NCAPH2: variants seen among roughly 807,000 people sequenced by gnomAD.
NCAPH2 encodes the protein non-SMC condensin II complex subunit H2, also known as condensin-2 complex subunit H2.
A neutral mutation model predicts 88.6 loss-of-function variants in NCAPH2; 56 were observed. The ratio of observed to expected loss-of-function variants is 0.63; its 90% CI spans 0.51 to 0.79. NCAPH2 has a LOEUF of 0.79. Ranked by LOEUF, NCAPH2 falls within the 30% of genes least tolerant of loss-of-function variation. NCAPH2 has a pLI of 0.00. For missense variants in NCAPH2, 794 were observed against 792.0 expected (o/e 1.00, Z -0.03); for synonymous variants, 378 against 313.6 (o/e 1.21, Z -2.17).
At chr22:50,510,449 A>C (rs185647467) in intron 1 of NCAPH2, among the ~76,000 whole-genome samples, 2 of 151,946 alleles carry the variant, frequency 1.3e-5, no homozygotes, top group East Asian at 3.9e-4. Flanking sequence ...TTTTTTTGAG[A>C]TGGAGTCTTG....
At position 50,523,717 on chromosome 22, in the gene NCAPH2, T is replaced by C; in HGVS notation, c.*342T>C. The C allele has an allele frequency of 3.1e-6, 5 of 1,614,070 alleles. No homozygotes were observed. Among genetic ancestry groups the C allele is most frequent in the East Asian group, 2.2e-5 (1 of 44,876 alleles). On this transcript the variant is annotated 3_prime_UTR_variant, in exon 20 of 20. Transcript: ENST00000420993. The stretch of plus-strand genomic sequence containing the variant: ...GTAATCCGTGAAGAGGCCGTCAGGG[T>C]TGAGCAGGTAGATGGCAATGGAGTG...
At chr22:50,517,886 G>C in intron 5 of NCAPH2, 77 bp downstream of exon 5, 1 of 1,602,960 alleles carries the variant, frequency 6.2e-7, no homozygotes, top group Non-Finnish European at 8.5e-7. Context: ...CTGATGGGGT[G>C]TGGGAAGGTG....
At chr22:50,520,227 AC>A (rs1320446150) in intron 9 of NCAPH2, among the ~76,000 whole-genome samples, 1 of 151,762 alleles carries the variant, frequency 6.6e-6, no homozygotes, top group Non-Finnish European at 1.5e-5. Flanking sequence ...CCCAGAGAGT[AC>A]TAGCAGGGTT....
intron 8 of NCAPH2, 82 bp from the exon 9 acceptor site, chr22:50,519,108 A>T: frequency 7.5e-7 from 1 of 1,325,940 alleles, no homozygotes; most frequent in Non-Finnish European, 1.0e-6. Context: ...AAGCTGAGGG[A>T]GGAAGTAGCC....
chr22:50,524,469 G>C lies in NCAPH2; in HGVS notation c.*1094G>C. On this transcript the variant is annotated 3_prime_UTR_variant, in exon 20 of 20. Coordinates refer to ENST00000420993, the MANE Select transcript of NCAPH2 (RefSeq NM_152299.4). ...TCAGGAGCCAGAAGGGAAGGCCCAG[G>C]ACAGTGCCTGGGCTGCCCCTGCGAC... is the stretch of plus-strand genomic sequence containing the variant. 1 of 1,571,398 alleles carries C rather than the reference G, an allele frequency of 6.4e-7. No individual in the cohort carries two copies.
chr22:50,512,816 G>T (rs1222006246), intron 1 of NCAPH2, among the ~76,000 whole-genome samples: 2 of 152,174 alleles, frequency 1.3e-5, no homozygotes, highest in Non-Finnish European at 1.5e-5. Flanking sequence ...AGAGTGCTGG[G>T]ATTATAGGTG....
At chr22:50,517,283 T>G (rs2068951030) in intron 2 of NCAPH2, 144 bp from the exon 3 acceptor site, 1 of 848,008 alleles carries the variant, frequency 1.2e-6, no homozygotes, top group Admixed American at 2.0e-5. Context: ...TGAGAATTAT[T>G]TTTGGAACCA....
intron 1 of NCAPH2, among the ~76,000 whole-genome samples, 172 bp downstream of exon 1, chr22:50,508,617 C>T (rs1364554314): frequency 6.6e-6 from 1 of 152,266 alleles, no homozygotes; most frequent in African/African-American, 2.4e-5. Context: ...ATCTCTGCCT[C>T]CCCAAATCAT....
intron 2 of NCAPH2, 82 bp from the exon 3 acceptor site, chr22:50,517,345 G>T (rs1347957851): frequency 6.9e-7 from 1 of 1,454,356 alleles, no homozygotes; most frequent in Non-Finnish European, 9.7e-7. Flanking sequence ...CAGGCCTCGT[G>T]GGGGCACCGA....
chr22:50,519,223 G>C lies in NCAPH2; in HGVS notation c.764G>C (p.Gly255Ala), dbSNP rs755007017. 3 of 1,610,774 alleles carry C rather than the reference G, an allele frequency of 1.9e-6. No individual in the cohort carries two copies. The South Asian group carries it at 3.3e-5, about 18-fold the overall frequency. Residue 255 changes from glycine to alanine, a missense_variant, in exon 9 of 20, where the codon GGG becomes GCG. Physicochemically the swap from Gly to Ala is moderately conservative, Grantham distance 60 (BLOSUM62 0). This residue lies in a region of NCAPH2 where 735 missense variants were observed against 696.3 expected (regional missense o/e 1.06). Transcript: ENST00000420993. ...CCAGAAGGCCCGATGCCCCTGGGTG[G>C]GGGCGAGGACGAGGATGCAGAGGAG... is the stretch of plus-strand genomic sequence containing the variant. ...PSPEGPMPLG[G>A]GEDEDAEEAV...
rs8139305 is a variant in NCAPH2, at chr22:50,523,636, G to C, written c.*261G>C. On this transcript the variant is annotated 3_prime_UTR_variant, in exon 20 of 20. Coordinates refer to ENST00000420993, the MANE Select transcript of NCAPH2 (RefSeq NM_152299.4). ...TCAAGACAGGACACTGCGGAAAGCC[G>C]CCATGTGCCGCCGCACACTGTCTGA... 2 of 1,613,760 alleles carry C rather than the reference G, an allele frequency of 1.2e-6. No homozygotes were observed. The highest frequency in any genetic ancestry group is 8.5e-7 in the Non-Finnish European group (1 of 1,180,044).
rs2069136701 is a variant in NCAPH2 at position 50,522,517 on chromosome 22, T to C, written c.1323T>C (p.Pro441=). 1 of 1,613,380 alleles carries C rather than the reference T, an allele frequency of 6.2e-7. No individual in the cohort carries two copies. Among genetic ancestry groups the C allele is most frequent in the Admixed American group, 1.7e-5 (1 of 59,978 alleles). ...DLGAADDFLE[P]EEYMEPEGAD... is the part of the protein sequence containing the mutation. ...TCCCAGCAGATGACTTTCTAGAGCC[T>C]GAGGAGTACATGGAGCCCGAGGGAG... Residue 441 remains proline, a synonymous_variant, in exon 16 of 20, where the codon CCT becomes CCC. Coordinates refer to ENST00000420993, the MANE Select transcript of NCAPH2 (RefSeq NM_152299.4).
Position 50,520,864 on chromosome 22 carries a change from T to A in NCAPH2, c.862-101T>A. ...AGGCATGAGCCACCACGCCCGACCC[T>A]TGTAGGGTTCTTGATGTTAACCCAA... is the stretch of plus-strand genomic sequence containing the variant. On this transcript the variant is annotated intron_variant, in intron 9 of 19. Transcript: ENST00000420993. 3 of 1,382,104 alleles carry A rather than the reference T, an allele frequency of 2.2e-6. No individual in the cohort carries two copies. In the Middle Eastern group the frequency reaches 5.4e-4, roughly 247 times the overall value. 85.6% of individuals were successfully genotyped at this position (1,382,104 alleles called of 1,614,324 possible). A position where few individuals can be genotyped will look rare whatever the true frequency, so the allele number is the denominator to read the frequency against.
rs963066561 is a variant in NCAPH2, at chr22:50,515,613, G to A, written c.109-834G>A. 119 of 806,228 alleles carry A rather than the reference G, an allele frequency of 1.5e-4. 1 individual carries two copies. The highest frequency in any genetic ancestry group is 1.4e-3 in the Middle Eastern group (3 of 2,142). The allele number at this position is 806,228 out of a possible 1,614,324, so 49.9% of individuals were successfully genotyped here. ...AGGTTTCACCGTGTTAGCCAGGATG[G>A]TCTCGATCTCCTGACCTCATGATCT... is the stretch of plus-strand genomic sequence containing the variant. On this transcript the variant is annotated intron_variant, in intron 1 of 19. Coordinates refer to ENST00000420993, the MANE Select transcript of NCAPH2 (RefSeq NM_152299.4).
chr22:50,513,817 G>A (rs192389931), intron 1 of NCAPH2, among the ~76,000 whole-genome samples: 15 of 152,280 alleles, frequency 9.9e-5, no homozygotes, highest in Admixed American at 9.2e-4. Context: ...AAACTTATAA[G>A]GGATTTGAAA....
chr22:50,520,772 A>G (rs995711587), intron 9 of NCAPH2, 193 bp from the exon 10 acceptor site: 10 of 573,304 alleles, frequency 1.7e-5, no homozygotes, highest in Middle Eastern at 4.2e-4. Flanking sequence ...CATGTTGGCC[A>G]GGCTGGTCTC....
intron 8 of NCAPH2, 134 bp downstream of exon 8, chr22:50,518,866 T>C: frequency 1.1e-6 from 1 of 923,696 alleles, no homozygotes; most frequent in East Asian, 2.7e-5. Context: ...CCCATGGGAG[T>C]GAGGCCTCGC....
Position 50,524,453 on chromosome 22 carries a change from A to G in NCAPH2, c.*1078A>G, listed in dbSNP as rs764153385. 3 of 1,600,518 alleles carry G rather than the reference A, an allele frequency of 1.9e-6. No homozygotes were observed. Among genetic ancestry groups the G allele is most frequent in the African/African-American group, 1.3e-5 (1 of 74,694 alleles). On this transcript the variant is annotated 3_prime_UTR_variant, in exon 20 of 20. Transcript: ENST00000420993. ...GAAACAAGCACAGGCGTCAGGAGCC[A>G]GAAGGGAAGGCCCAGGACAGTGCCT...
Position 50,521,452 on chromosome 22 carries a change from T to G in NCAPH2, c.934-91T>G, listed in dbSNP as rs186665642. ...CGGCTGTGTACCCCCTACTCTTCCT[T>G]TGGGAGGGTGGCTGTGCATCCCCTA... On this transcript the variant is annotated intron_variant, in intron 10 of 19. Transcript: ENST00000420993. 38 of 1,342,440 alleles carry G rather than the reference T, an allele frequency of 2.8e-5. No homozygotes were observed. The African/African-American group carries it at 4.4e-4, about 15-fold the overall frequency. The allele number at this position is 1,342,440 out of a possible 1,614,324, so 83.2% of individuals were successfully genotyped here. A position where few individuals can be genotyped will look rare whatever the true frequency, so the allele number is the denominator to read the frequency against.
Sources: gnomAD v4.1 joint callset for allele counts (sites outside exome capture counted in the v4.1 genomes callset) on GRCh38, gnomAD v4.1.1 for gene constraint, gnomAD v4.1.1 regional missense constraint, MANE v1.5 for transcripts, NCBI Gene and HGNC (gene_info 2026-07-23, HGNC 2026-07-21) for gene names.